Variants in RIC3 observed in about 807,000 individuals in gnomAD.
The protein encoded by RIC3 is RIC3 acetylcholine receptor chaperone, also known as protein RIC-3.
RIC3 carries 28 observed loss-of-function variants against 27.3 expected under a neutral mutation model. The ratio of observed to expected loss-of-function variants is 1.02; its 90% CI spans 0.76 to 1.41. The LOEUF (loss-of-function observed/expected upper bound fraction) is 1.41. Ranked by LOEUF, RIC3 falls within the 40% of genes most tolerant of loss-of-function variation. RIC3 has a pLI of 0.00. For missense variants in RIC3, 501 were observed against 444.7 expected (o/e 1.13, Z -1.14); for synonymous variants, 184 against 160.4 (o/e 1.15, Z -1.11).
intron 1 of RIC3, among the ~76,000 whole-genome samples, chr11:8,157,709 C>T (rs1950794046): frequency 6.6e-6 from 1 of 152,174 alleles, no homozygotes; most frequent in South Asian, 2.1e-4. Context: ...ATCTCAAGAT[C>T]CTGCCCAGTC....
At chr11:8,163,026 C>T (rs1233288320) in intron 1 of RIC3, among the ~76,000 whole-genome samples, 1 of 142,272 alleles carries the variant, frequency 7.0e-6, no homozygotes, top group African/African-American at 2.7e-5. Context: ...TAAACACACA[C>T]ACACACACAC....
chr11:8,163,958 A>C (rs1392960821), intron 1 of RIC3, among the ~76,000 whole-genome samples: 1 of 152,204 alleles, frequency 6.6e-6, no homozygotes, highest in Non-Finnish European at 1.5e-5. Flanking sequence ...AACTTAGAAA[A>C]CTACAATAAT....
intron 1 of RIC3, among the ~76,000 whole-genome samples, chr11:8,158,375 T>C (rs1416041791): frequency 1.3e-5 from 2 of 151,990 alleles, no homozygotes; most frequent in Non-Finnish European, 2.9e-5. Context: ...CCAGATACAG[T>C]GTTACTGTGG....
chr11:8,100,497 TC>T, the RIC3 span: 1 of 1,613,686 alleles, frequency 6.2e-7, no homozygotes, highest in Non-Finnish European at 8.5e-7. Context: ...GCGTTCTCTT[TC>T]CCAGGAGACA....
rs556442519 is a variant in RIC3 at position 8,118,144 on chromosome 11, A to G, written c.671-7007T>C. ...AGGCTGAGGCAGGAGAATGACGTGAACCTGGGAAGTGGAGCTTGTAGTGAG... is the reference window on the plus strand; with the variant it reads ...AGGCTGAGGCAGGAGAATGACGTGAGCCTGGGAAGTGGAGCTTGTAGTGAG... On this transcript the variant is annotated intron_variant, in intron 5 of 5. Coordinates refer to ENST00000309737, the MANE Select transcript of RIC3 (RefSeq NM_001206671.4). Among the ~76,000 whole-genome samples the G allele has an allele frequency of 2.8e-4, 43 of 151,008 alleles. No homozygotes were observed. The South Asian group carries it at 4.6e-3, about 16-fold the overall frequency.
At chr11:8,138,208 C>T in intron 3 of RIC3, 64 bp downstream of exon 3, 1 of 1,117,858 alleles carries the variant, frequency 8.9e-7, no homozygotes, top group Admixed American at 1.7e-5. Context: ...CACAGACTGT[C>T]CCTGTGGCTA....
intron 4 of RIC3, among the ~76,000 whole-genome samples, chr11:8,130,666 T>C (rs1428493348): frequency 1.3e-5 from 2 of 152,192 alleles, no homozygotes; most frequent in African/African-American, 2.4e-5. Flanking sequence ...TTCTAGTATG[T>C]AGTCACTCTA....
chr11:8,100,807 G>C, the RIC3 span: 1 of 1,612,928 alleles, frequency 6.2e-7, no homozygotes, highest in Non-Finnish European at 8.5e-7. Context: ...GCCTGGCTCA[G>C]GTGAGGCTGC....
intron 5 of RIC3, among the ~76,000 whole-genome samples, chr11:8,122,591 A>C (rs933999201): frequency 6.6e-6 from 1 of 152,172 alleles, no homozygotes; most frequent in Non-Finnish European, 1.5e-5. Flanking sequence ...CTTGAGTCAT[A>C]AGAGTGCAAA....
intron 1 of RIC3, among the ~76,000 whole-genome samples, chr11:8,150,891 A>C (rs1244959824): frequency 6.6e-6 from 1 of 152,246 alleles, no homozygotes; most frequent in Non-Finnish European, 1.5e-5. Flanking sequence ...GGGGGCCTTA[A>C]AAGTCATCCA....
chr11:8,112,070 T>C (rs780421393), intron 5 of RIC3, among the ~76,000 whole-genome samples: 11 of 152,240 alleles, frequency 7.2e-5, no homozygotes, highest in Non-Finnish European at 1.3e-4. Flanking sequence ...TAAGTCTTTT[T>C]TGGTGCAATG....
At chr11:8,097,802 G>C in the RIC3 span, 1 of 1,613,986 alleles carries the variant, frequency 6.2e-7, no homozygotes, top group South Asian at 1.1e-5. Flanking sequence ...TCTCGAGGAG[G>C]GGACAGCTAT....
At chr11:8,168,727 C>T in intron 1 of RIC3, 139 bp downstream of exon 1, 2 of 1,285,110 alleles carry the variant, frequency 1.6e-6, no homozygotes, top group Non-Finnish European at 2.1e-6. Flanking sequence ...CCCTTCAACG[C>T]CGTCTCGCCC....
rs1491545662 is a variant in RIC3 at position 8,109,090 on chromosome 11, C to CA, written c.*1607dup. The CA allele has an allele frequency of 1.3e-5, 2 of 152,126 alleles. No homozygotes were observed. The highest frequency in any genetic ancestry group is 3.8e-4 in the East Asian group (2 of 5,198). 9.4% of individuals were successfully genotyped at this position (152,126 alleles called of 1,614,324 possible). ...AGATGCAATATGCTTTCTATAAACT[C>CA]AGTCTTGAATGACTTTCTGTAACTC... On this transcript the variant is annotated 3_prime_UTR_variant, in exon 6 of 6. Transcript: ENST00000309737.
rs544466857 is a variant in RIC3 at position 8,137,342 on chromosome 11, G to C, written c.521+36C>G. The stretch of plus-strand genomic sequence containing the variant: ...CCCAGCCTGAATTTATTTTCTAAAT[G>C]AGAAATAGTCTGAGTCCCGTTACAT... On this transcript the variant is annotated intron_variant, in intron 4 of 5. Transcript: ENST00000309737. 59 of 1,574,788 alleles carry C rather than the reference G, an allele frequency of 3.7e-5. No individual in the cohort carries two copies. The Admixed American group carries it at 9.9e-4, about 26-fold the overall frequency.
Position 8,106,580 on chromosome 11 carries a change from G to A in RIC3, c.*4118C>T, listed in dbSNP as rs1350894035. On this transcript the variant is annotated 3_prime_UTR_variant, in exon 6 of 6. Transcript: ENST00000309737. ...CCCTGTGGGCCTGGCCTTAGGAAGA[G>A]AACAGGGCTGTAGAGATGAAAAAGG... The A allele has an allele frequency of 6.6e-6, 1 of 152,326 alleles. No homozygotes were observed. Among genetic ancestry groups the A allele is most frequent in the Non-Finnish European group, 1.5e-5 (1 of 68,096 alleles). The allele number at this position is 152,326 out of a possible 1,614,324, so 9.4% of individuals were successfully genotyped here. A position where few individuals can be genotyped will look rare whatever the true frequency, so the allele number is the denominator to read the frequency against.
chr11:8,136,688 C>T (rs1393772590), intron 4 of RIC3, among the ~76,000 whole-genome samples: 1 of 152,180 alleles, frequency 6.6e-6, no homozygotes, highest in Non-Finnish European at 1.5e-5. Flanking sequence ...CTAATCTGAT[C>T]ACACTTGCTC....
At chr11:8,103,482 C>G (rs1435041472), downstream of RIC3, 2 of 152,536 alleles carry the variant, frequency 1.3e-5, no homozygotes, top group Admixed American at 1.3e-4. Flanking sequence ...GCTCTCATTT[C>G]TTTGTAATCT....
At chr11:8,150,600 A>G (rs1228586302) in intron 1 of RIC3, among the ~76,000 whole-genome samples, 8 of 152,226 alleles carry the variant, frequency 5.3e-5, no homozygotes, top group African/African-American at 1.7e-4. Flanking sequence ...ATGGTTCCCA[A>G]TACCAAAAGG....
Sources: gnomAD v4.1 joint callset for allele counts (sites outside exome capture counted in the v4.1 genomes callset) on GRCh38, gnomAD v4.1.1 for gene constraint, MANE v1.5 for transcripts, NCBI Gene and HGNC (gene_info 2026-07-23, HGNC 2026-07-21) for gene names.